Variants in KLHDC2 observed in about 807,000 individuals in gnomAD.
KLHDC2 encodes the protein kelch domain containing 2.
In KLHDC2, 38 loss-of-function variants were observed where a neutral mutation model predicts 62.3. The observed-to-expected ratio is 0.61, with a 90% CI of 0.47 to 0.80. KLHDC2 has a LOEUF of 0.80. Ranked by LOEUF, KLHDC2 falls within the 30% of genes least tolerant of loss-of-function variation. The pLI, the probability that KLHDC2 is intolerant of heterozygous loss-of-function variation, is 0.00. For missense variants in KLHDC2, 430 were observed against 495.3 expected (o/e 0.87, Z 1.25); for synonymous variants, 159 against 161.0 (o/e 0.99, Z 0.09).
chr14:49,781,372 A>C (rs1229537513), intron 10 of KLHDC2, among the ~76,000 whole-genome samples: 2 of 151,790 alleles, frequency 1.3e-5, no homozygotes, highest in African/African-American at 2.4e-5. Context: ...TCTGTCTCAA[A>C]AAAAAAAAAA....
intron 1 of KLHDC2, among the ~76,000 whole-genome samples, chr14:49,769,485 T>C (rs911652733): frequency 1.3e-5 from 2 of 152,218 alleles, no homozygotes; most frequent in Non-Finnish European, 2.9e-5. Context: ...TGTTTTTAGC[T>C]TATGGTACAG....
chr14:49,772,604 G>C (rs1889686908), intron 2 of KLHDC2, among the ~76,000 whole-genome samples: 6 of 152,226 alleles, frequency 3.9e-5, no homozygotes, highest in Admixed American at 3.9e-4. Flanking sequence ...TGCTTTGTGA[G>C]AACTTTATGC....
rs1405632272 is a variant in KLHDC2, at chr14:49,780,389, G to A, written c.883+67G>A. Reference sequence around the variant, plus strand: ...ATCCATATCTAATAGCTGAAAATGAGTCTATTAGAGACTGATGAGACGGCT... The same window carrying A: ...ATCCATATCTAATAGCTGAAAATGAATCTATTAGAGACTGATGAGACGGCT... On this transcript the variant is annotated intron_variant, in intron 9 of 12. Transcript: ENST00000298307. The A allele has an allele frequency of 4.7e-6, 5 of 1,071,446 alleles. No individual in the cohort carries two copies. In the East Asian group the frequency reaches 7.1e-5, roughly 15 times the overall value. The allele number at this position is 1,071,446 out of a possible 1,614,324, so 66.4% of individuals were successfully genotyped here.
chr14:49,774,719 CTTA>C lies in KLHDC2; in HGVS notation c.351+46_351+48del, dbSNP rs747631463. 117 of 1,191,438 alleles carry C rather than the reference CTTA, an allele frequency of 9.8e-5. 1 individual carries two copies. The South Asian group carries it at 1.3e-3, about 13-fold the overall frequency. The allele number at this position is 1,191,438 out of a possible 1,614,324, so 73.8% of individuals were successfully genotyped here. A position where few individuals can be genotyped will look rare whatever the true frequency, so the allele number is the denominator to read the frequency against. On this transcript the variant is annotated intron_variant, in intron 3 of 12. Transcript: ENST00000298307. ...GATTATGGCTTGAGGCATTTTTATT[CTTA>C]TTATCTTTCAAACAACTGCAAATTT...
In KLHDC2 at chr14:49,773,550, T is replaced by C. The variant is rs372557437; in HGVS notation, c.234-1011T>C. Among the ~76,000 whole-genome samples the C allele has an allele frequency of 2.4e-4, 36 of 148,722 alleles. No homozygotes were observed. In the East Asian group the frequency reaches 6.5e-3, roughly 27 times the overall value. On this transcript the variant is annotated intron_variant, in intron 2 of 12. Coordinates refer to ENST00000298307, the MANE Select transcript of KLHDC2 (RefSeq NM_014315.3). ...GCCTGAGCAATACAGTGAGACCCTG[T>C]TTCTATTTAAAAATAATAACTTTTT...
intron 1 of KLHDC2, among the ~76,000 whole-genome samples, chr14:49,770,700 G>T (rs1889645317): frequency 6.6e-6 from 1 of 152,180 alleles, no homozygotes; most frequent in Admixed American, 6.5e-5. Flanking sequence ...TACTTTTTAG[G>T]GTTGTTGTGA....
intron 3 of KLHDC2, chr14:49,774,888 TG>T: frequency 1.9e-6 from 1 of 532,408 alleles, no homozygotes; most frequent in South Asian, 2.4e-5. Context: ...GTTGGTAACC[TG>T]TGTGCAGTAA....
Position 49,768,513 on chromosome 14 carries a change from G to A in KLHDC2, c.45G>A (p.Gly15=). ...ATCTGCGGGCTGACGACTTGCCTGGGCCAGCCTTCGAGAGCTATGAGTCCA... is the reference window on the plus strand; with the variant it reads ...ATCTGCGGGCTGACGACTTGCCTGGACCAGCCTTCGAGAGCTATGAGTCCA... The part of the protein sequence containing the change: ...NEDLRADDLP[G]PAFESYESME... Residue 15 remains glycine, a synonymous_variant, in exon 1 of 13, where the codon GGG becomes GGA. Coordinates refer to ENST00000298307, the MANE Select transcript of KLHDC2 (RefSeq NM_014315.3). 1 of 1,610,404 alleles carries A rather than the reference G, an allele frequency of 6.2e-7. No homozygotes were observed. The highest frequency in any genetic ancestry group is 8.5e-7 in the Non-Finnish European group (1 of 1,178,786).
chr14:49,771,248 C>G (rs1466658091), intron 1 of KLHDC2, among the ~76,000 whole-genome samples: 1 of 151,942 alleles, frequency 6.6e-6, no homozygotes, highest in Non-Finnish European at 1.5e-5. Flanking sequence ...ACTTAGGAGG[C>G]TGAGGCAGGA....
rs1889587275 is a variant in KLHDC2, at chr14:49,768,371, C to T, written c.-98C>T. On this transcript the variant is annotated 5_prime_UTR_variant, in exon 1 of 13. Transcript: ENST00000298307. ...GCCGTCCCTTTCGCCACCGCCTTTT[C>T]CTTGCCTCGCGCCGCTGTGCATTTC... 1 of 1,372,506 alleles carries T rather than the reference C, an allele frequency of 7.3e-7. No individual in the cohort carries two copies. The highest frequency in any genetic ancestry group is 9.9e-7 in the Non-Finnish European group (1 of 1,013,792). The allele number at this position is 1,372,506 out of a possible 1,614,324, so 85.0% of individuals were successfully genotyped here.
At position 49,782,600 on chromosome 14, in the gene KLHDC2, T is replaced by G; in HGVS notation, c.1097+6T>G. The G allele has an allele frequency of 6.3e-7, 1 of 1,595,866 alleles. No individual in the cohort carries two copies. The highest frequency in any genetic ancestry group is 1.1e-5 in the South Asian group (1 of 89,480). The stretch of plus-strand genomic sequence containing the variant: ...CAACCAAAATCTCTTGTACGGTAAG[T>G]AACTTTGTACTTGGCACTTAGATTA... On this transcript the variant is annotated splice_donor_region_variant and intron_variant, in intron 12 of 12. Transcript: ENST00000298307.
At position 49,768,879 on chromosome 14, in the gene KLHDC2, C is replaced by G. The variant is rs556285780; in HGVS notation, c.153+258C>G. 659 of 457,308 alleles carry G rather than the reference C, an allele frequency of 1.4e-3. 11 individuals are homozygous for G. The South Asian group carries it at 0.021, about 15-fold the overall frequency. The allele number at this position is 457,308 out of a possible 1,614,324, so 28.3% of individuals were successfully genotyped here. A position where few individuals can be genotyped will look rare whatever the true frequency, so the allele number is the denominator to read the frequency against. On this transcript the variant is annotated intron_variant, in intron 1 of 12. Transcript: ENST00000298307. ...CTCACAAAGCCAACTCACTCCCACCCCCGTTGTTGCCATTGGAGCGTTATT... is the reference window on the plus strand; with the variant it reads ...CTCACAAAGCCAACTCACTCCCACCGCCGTTGTTGCCATTGGAGCGTTATT...
At chr14:49,773,641 A>C (rs113762909) in intron 2 of KLHDC2, among the ~76,000 whole-genome samples, 1 of 145,542 alleles carries the variant, frequency 6.9e-6, no homozygotes, top group African/African-American at 2.6e-5. Flanking sequence ...CAGTGGCGCA[A>C]TCTCGACTCG....
intron 1 of KLHDC2, among the ~76,000 whole-genome samples, chr14:49,770,387 C>T (rs1048012216): frequency 6.6e-6 from 1 of 152,158 alleles, no homozygotes; most frequent in South Asian, 2.1e-4. Context: ...TGGGTCAGCC[C>T]GCTTCCAGCC....
chr14:49,778,483 C>T lies in KLHDC2; in HGVS notation c.622C>T (p.Pro208Ser), dbSNP rs761905311. 1.3e-6 allele frequency: 2 copies of T among 1,506,576 alleles called. No individual in the cohort carries two copies. The highest frequency in any genetic ancestry group is 1.8e-6 in the Non-Finnish European group (2 of 1,098,306). 93.3% of individuals were successfully genotyped at this position (1,506,576 alleles called of 1,614,324 possible). ...TACTGAAACATTTACCTGGAGCCAG[C>T]CTATAACTACTGTGAGTTACTAAAG... ...LDTETFTWSQ[P>S]ITTGKAPSPR... is the part of the protein sequence containing the mutation. Residue 208 changes from proline to serine, a missense_variant, in exon 6 of 13, where the codon CCT (proline) becomes TCT (serine). By Grantham distance (74) the Pro-to-Ser change is moderately conservative. Coordinates refer to ENST00000298307, the MANE Select transcript of KLHDC2 (RefSeq NM_014315.3).
In KLHDC2 at chr14:49,780,780, T is replaced by G; in HGVS notation, c.956+5T>G. On this transcript the variant is annotated splice_donor_5th_base_variant and intron_variant, in intron 10 of 12. Transcript: ENST00000298307. ...TCCATATACCGAAAAACCAAGGTATTTAAAAGCAATTCATATACTGAATAT... is the reference window on the plus strand; with the variant it reads ...TCCATATACCGAAAAACCAAGGTATGTAAAAGCAATTCATATACTGAATAT... 1 of 1,462,954 alleles carries G rather than the reference T, an allele frequency of 6.8e-7. No individual in the cohort carries two copies. The highest frequency in any genetic ancestry group is 9.6e-7 in the Non-Finnish European group (1 of 1,042,208). 90.6% of individuals were successfully genotyped at this position (1,462,954 alleles called of 1,614,324 possible). A position where few individuals can be genotyped will look rare whatever the true frequency, so the allele number is the denominator to read the frequency against.
chr14:49,773,066 T>C (rs1283353223), intron 2 of KLHDC2, among the ~76,000 whole-genome samples: 1 of 152,222 alleles, frequency 6.6e-6, no homozygotes, highest in African/African-American at 2.4e-5. Flanking sequence ...TCTAGAGAAT[T>C]GGAAATTTAT....
intron 2 of KLHDC2, 71 bp from the exon 3 acceptor site, chr14:49,774,487 TAGA>T (rs66520673): frequency 0.18 from 160,518 of 916,828 alleles, 15,817 homozygotes; most frequent in Non-Finnish European, 0.21. Context: ...AGGATATAAG[TAGA>T]AGAAGAAAAA....
rs535882936 is a variant in KLHDC2, at chr14:49,780,136, A to G, written c.774-77A>G. On this transcript the variant is annotated intron_variant, in intron 8 of 12. Coordinates refer to ENST00000298307, the MANE Select transcript of KLHDC2 (RefSeq NM_014315.3). ...GTCTCTTTTTTCATAACATGTACATATAAATTTTAAAAGAAAACTTAAAAA... is the reference window on the plus strand; with the variant it reads ...GTCTCTTTTTTCATAACATGTACATGTAAATTTTAAAAGAAAACTTAAAAA... 1.1e-5 allele frequency: 10 copies of G among 947,808 alleles called. No homozygotes were observed. The South Asian group carries it at 1.4e-4, about 13-fold the overall frequency. 58.7% of individuals were successfully genotyped at this position (947,808 alleles called of 1,614,324 possible). A position where few individuals can be genotyped will look rare whatever the true frequency, so the allele number is the denominator to read the frequency against.
Sources: gnomAD v4.1 joint callset for allele counts (sites outside exome capture counted in the v4.1 genomes callset) on GRCh38, gnomAD v4.1.1 for gene constraint, MANE v1.5 for transcripts, NCBI Gene and HGNC (gene_info 2026-07-23, HGNC 2026-07-21) for gene names.